Variants in KANSL2 observed in about 807,000 individuals in gnomAD.
KANSL2 encodes the protein KAT8 regulatory NSL complex subunit 2, also known as NSL complex protein NSL2.
KANSL2 carries 34 observed loss-of-function variants against 55.6 expected under a neutral mutation model. The observed-to-expected ratio is 0.61, with a 90% CI of 0.46 to 0.81. KANSL2 has a LOEUF of 0.81. Ranked by LOEUF, KANSL2 falls within the 40% of genes least tolerant of loss-of-function variation. KANSL2 has a pLI of 0.00. For synonymous variants in KANSL2, 209 were observed against 214.3 expected (o/e 0.98, Z 0.22); for missense variants, 502 against 609.9 (o/e 0.82, Z 1.86).
At chr12:48,681,251 TC>T in intron 2 of KANSL2, 130 bp downstream of exon 2, 1 of 1,043,546 alleles carries the variant, frequency 9.6e-7, no homozygotes, top group Non-Finnish European at 1.4e-6. Flanking sequence ...TTTTCAGTTT[TC>T]CAAGGATACA....
At chr12:48,677,057 G>A (rs950795926) in intron 4 of KANSL2, among the ~76,000 whole-genome samples, 20 of 152,146 alleles carry the variant, frequency 1.3e-4, no homozygotes, top group African/African-American at 3.9e-4. Context: ...AGGAGACACT[G>A]AACAACTCTA....
intron 7 of KANSL2, among the ~76,000 whole-genome samples, chr12:48,663,546 CAAT>C (rs201808374): frequency 0.013 from 2,011 of 152,206 alleles, 39 homozygotes; most frequent in African/African-American, 0.046. Context: ...ATCCCACAGA[CAAT>C]AACACTTCCC....
intron 4 of KANSL2, among the ~76,000 whole-genome samples, chr12:48,676,584 G>C (rs1210507960): frequency 6.6e-6 from 1 of 152,102 alleles, no homozygotes; most frequent in Non-Finnish European, 1.5e-5. Context: ...TTTGAACCCG[G>C]GAGGCGGAGG....
At chr12:48,667,303 T>C (rs1459165558) in intron 7 of KANSL2, among the ~76,000 whole-genome samples, 1 of 152,178 alleles carries the variant, frequency 6.6e-6, no homozygotes, top group African/African-American at 2.4e-5. Flanking sequence ...CCCACAGTAA[T>C]TTTTTAAGTT....
intron 9 of KANSL2, chr12:48,654,500 G>A: frequency 1.6e-6 from 1 of 636,346 alleles, no homozygotes; most frequent in Non-Finnish European, 3.1e-6. Context: ...TACAACTGCT[G>A]GTCTTCAGTC....
chr12:48,670,059 G>C (rs11837188), intron 5 of KANSL2, among the ~76,000 whole-genome samples: 295 of 152,012 alleles, frequency 1.9e-3, no homozygotes, highest in Middle Eastern at 0.014. Flanking sequence ...AAATTAGCTG[G>C]GCGTGGTGGC....
In KANSL2 at chr12:48,679,676, T is replaced by C; in HGVS notation, c.409A>G (p.Ser137Gly). The C allele has an allele frequency of 1.9e-6, 3 of 1,613,746 alleles. No individual in the cohort carries two copies. Among genetic ancestry groups the C allele is most frequent in the Non-Finnish European group, 1.7e-6 (2 of 1,179,812 alleles). ...LGSQTPESSR[S>G]EASRILDEDS... The stretch of plus-strand genomic sequence containing the variant: ...TTACCTAGTATTCGGCTGGCTTCAC[T>C]GCGACTACTTTCTGGAGTCTGAGAC... Residue 137 changes from serine (S) to glycine (G), a missense_variant, in exon 3 of 10, where the codon AGT (serine) becomes GGT (glycine). Ser to Gly is a moderately conservative substitution (Grantham distance 56). Coordinates refer to ENST00000420613, the MANE Select transcript of KANSL2 (RefSeq NM_017822.4).
chr12:48,662,645 G>A lies in KANSL2; in HGVS notation c.974-2026C>T, dbSNP rs555850255. 36 of 1,286,378 alleles carry A rather than the reference G, an allele frequency of 2.8e-5. No individual in the cohort carries two copies. The African/African-American group carries it at 3.8e-4, about 14-fold the overall frequency. 79.7% of individuals were successfully genotyped at this position (1,286,378 alleles called of 1,614,324 possible). A position where few individuals can be genotyped will look rare whatever the true frequency, so the allele number is the denominator to read the frequency against. ...AGTTAACAGGTCACCAATGGCAGTC[G>A]CATCTTTCTCTGGGATAAGGACTTA... On this transcript the variant is annotated intron_variant, in intron 7 of 9. Coordinates refer to ENST00000420613, the MANE Select transcript of KANSL2 (RefSeq NM_017822.4).
At chr12:48,656,296 C>CA (rs1193831143) in intron 8 of KANSL2, among the ~76,000 whole-genome samples, 2 of 145,538 alleles carry the variant, frequency 1.4e-5, no homozygotes, top group Non-Finnish European at 3.0e-5. Flanking sequence ...TTTTTTGAGA[C>CA]AGAGTCTCGC....
Position 48,682,182 on chromosome 12 carries a change from C to G in KANSL2, c.-10+5G>C. 1.4e-6 allele frequency: 1 copy of G among 693,014 alleles called. No individual in the cohort carries two copies. The highest frequency in any genetic ancestry group is 2.6e-6 in the Non-Finnish European group (1 of 379,530). 42.9% of individuals were successfully genotyped at this position (693,014 alleles called of 1,614,324 possible). On this transcript the variant is annotated splice_donor_5th_base_variant and intron_variant, in intron 1 of 9. Transcript: ENST00000420613. ...AGCTTAGAGGAAAGAGCACCGCCAT[C>G]TTACCTCAGGAGCTGCGCTGCGCCG... is the stretch of plus-strand genomic sequence containing the variant.
intron 7 of KANSL2, among the ~76,000 whole-genome samples, chr12:48,666,563 C>G (rs1013941023): frequency 6.6e-6 from 1 of 151,728 alleles, no homozygotes; most frequent in African/African-American, 2.4e-5. Flanking sequence ...CGTGGTGGCA[C>G]GTGCCTGTAA....
At chr12:48,675,007 T>C (rs1457640830) in intron 4 of KANSL2, among the ~76,000 whole-genome samples, 1 of 147,528 alleles carries the variant, frequency 6.8e-6, no homozygotes, top group Non-Finnish European at 1.5e-5. Context: ...TAATAAAAAA[T>C]AAATTTAAAA....
At chr12:48,664,509 A>C (rs553170638) in intron 7 of KANSL2, among the ~76,000 whole-genome samples, 137 of 146,060 alleles carry the variant, frequency 9.4e-4, no homozygotes, top group Middle Eastern at 3.9e-3. Context: ...CGACCTCCTG[A>C]CCTCGTGATC....
chr12:48,681,943 CCCCGCACGCCGCCTT>C (rs1202684877), intron 1 of KANSL2: 25 of 702,912 alleles, frequency 3.6e-5, no homozygotes, highest in Non-Finnish European at 5.5e-5. Context: ...CACGCCGCCT[CCCCGCACGCCGCCTT>C]TGTCCCGGCC....
At chr12:48,661,225 G>A in intron 7 of KANSL2, 1 of 971,910 alleles carries the variant, frequency 1.0e-6, no homozygotes, top group Non-Finnish European at 1.2e-6. Context: ...TGCTAGTACA[G>A]AGGAATCCTT....
At position 48,654,647 on chromosome 12, in the gene KANSL2, A is replaced by G. The variant is rs1410624990; in HGVS notation, c.1347+294T>C. ...TGATTTCCCTAGATTCCTTGTCTCA[A>G]GCTTTTATTTAAATAAATGTATGTC... is the stretch of plus-strand genomic sequence containing the variant. On this transcript the variant is annotated intron_variant, in intron 9 of 9. Coordinates refer to ENST00000420613, the MANE Select transcript of KANSL2 (RefSeq NM_017822.4). 6 of 504,950 alleles carry G rather than the reference A, an allele frequency of 1.2e-5. No homozygotes were observed. In the East Asian group the frequency reaches 2.6e-4, roughly 21 times the overall value. 31.3% of individuals were successfully genotyped at this position (504,950 alleles called of 1,614,324 possible).
intron 5 of KANSL2, among the ~76,000 whole-genome samples, chr12:48,670,349 A>C (rs1323872573): frequency 7.2e-5 from 11 of 152,128 alleles, no homozygotes; most frequent in Non-Finnish European, 5.9e-5. Context: ...TAAATGTAAA[A>C]CAGCCTCAGG....
intron 4 of KANSL2, among the ~76,000 whole-genome samples, chr12:48,673,737 T>C (rs1287294414): frequency 6.6e-6 from 1 of 151,702 alleles, no homozygotes; most frequent in Non-Finnish European, 1.5e-5. Context: ...TGCTTGAGCC[T>C]GGGAGTTCAA....
chr12:48,681,999 C>T, intron 1 of KANSL2, 188 bp downstream of exon 1: 2 of 702,992 alleles, frequency 2.8e-6, no homozygotes, highest in Non-Finnish European at 5.2e-6. Flanking sequence ...GGCCTGGCCT[C>T]GGAAGCCTAT....
Sources: allele counts gnomAD v4.1 joint callset (sites outside exome capture counted in the v4.1 genomes callset), GRCh38; gene constraint gnomAD v4.1.1; transcripts MANE v1.5; gene names NCBI Gene and HGNC (gene_info 2026-07-23, HGNC 2026-07-21).